Variants in UCK2 observed in about 807,000 individuals in gnomAD.
UCK2 encodes the protein cytidine monophosphokinase 2.
UCK2 carries 6 observed loss-of-function variants against 30.8 expected under a neutral mutation model. The ratio of observed to expected loss-of-function variants is 0.19; its 90% CI spans 0.11 to 0.38. The LOEUF (loss-of-function observed/expected upper bound fraction) is 0.38. Among genes scored for constraint, UCK2 ranks in the 10% least tolerant of loss-of-function variants. The pLI is 1.00. For synonymous variants in UCK2, 125 were observed against 133.6 expected (o/e 0.94, Z 0.45); for missense variants, 210 against 339.8 (o/e 0.62, Z 3.00).
chr1:165,838,455 G>A (rs1468167786), intron 1 of UCK2, among the ~76,000 whole-genome samples: 1 of 152,152 alleles, frequency 6.6e-6, no homozygotes, highest in Non-Finnish European at 1.5e-5. Flanking sequence ...CCTCCTTCAA[G>A]TGTTGCTCAC....
Position 165,827,801 on chromosome 1 carries a change from G to C in UCK2, c.-33G>C, listed in dbSNP as rs773036340. On this transcript the variant is annotated 5_prime_UTR_variant, in exon 1 of 7. Coordinates refer to ENST00000367879, the MANE Select transcript of UCK2 (RefSeq NM_012474.5). ...GCGGGCGGGGAGCGTGCGTCCGTTC[G>C]CACAGGCAGCGGGAGGAGGGGCGGC... The C allele has an allele frequency of 1.5e-6, 2 of 1,371,112 alleles. No individual in the cohort carries two copies. Among genetic ancestry groups the C allele is most frequent in the Admixed American group, 6.0e-5 (2 of 33,260 alleles). 84.9% of individuals were successfully genotyped at this position (1,371,112 alleles called of 1,614,324 possible).
chr1:165,878,749 T>C (rs541922982), intron 1 of UCK2, among the ~76,000 whole-genome samples: 1 of 152,368 alleles, frequency 6.6e-6, no homozygotes, highest in East Asian at 1.9e-4. Flanking sequence ...CTTCCAAGTT[T>C]TGGCAATTAT....
At chr1:165,890,934 A>C (rs2101881683) in intron 2 of UCK2, 7 of 367,372 alleles carry the variant, frequency 1.9e-5, no homozygotes, top group South Asian at 1.7e-4. Flanking sequence ...TGCCAATCCT[A>C]GGATGATAAC....
rs1647786245 is a variant in UCK2, at chr1:165,909,670, A to T, written c.*1847A>T. On this transcript the variant is annotated 3_prime_UTR_variant, in exon 7 of 7. Coordinates refer to ENST00000367879, the MANE Select transcript of UCK2 (RefSeq NM_012474.5). ...CTTGGAGCAAGGGAAGGCTCCCAAG[A>T]TGCCTCCTTTGAAAGCCGGTGCTCA... is the stretch of plus-strand genomic sequence containing the variant. 6.6e-6 allele frequency: 1 copy of T among 152,276 alleles called. No individual in the cohort carries two copies. Among genetic ancestry groups the T allele is most frequent in the African/African-American group, 2.4e-5 (1 of 41,468 alleles). 9.4% of individuals were successfully genotyped at this position (152,276 alleles called of 1,614,324 possible). A position where few individuals can be genotyped will look rare whatever the true frequency, so the allele number is the denominator to read the frequency against.
At position 165,890,192 on chromosome 1, in the gene UCK2, C is replaced by T. The variant is rs1655731070; in HGVS notation, c.100-12C>T. On this transcript the variant is annotated splice_polypyrimidine_tract_variant and intron_variant, in intron 1 of 6. Coordinates refer to ENST00000367879, the MANE Select transcript of UCK2 (RefSeq NM_012474.5). Reference sequence around the variant, plus strand: ...TTCTCTTATTCCTGGGTGCTCTCTTCTCTCCTCACAGTCTTCCGTGTGTGC... The same window carrying T: ...TTCTCTTATTCCTGGGTGCTCTCTTTTCTCCTCACAGTCTTCCGTGTGTGC... 1 of 1,613,702 alleles carries T rather than the reference C, an allele frequency of 6.2e-7. No homozygotes were observed. Among genetic ancestry groups the T allele is most frequent in the Admixed American group, 1.7e-5 (1 of 59,992 alleles).
At chr1:165,849,371 A>C (rs956862247) in intron 1 of UCK2, among the ~76,000 whole-genome samples, 3 of 152,178 alleles carry the variant, frequency 2.0e-5, no homozygotes, top group Admixed American at 2.0e-4. Context: ...TGCTTGGCAC[A>C]ACCGTGGGCT....
intron 1 of UCK2, among the ~76,000 whole-genome samples, chr1:165,876,009 C>T (rs1206052240): frequency 6.6e-6 from 1 of 152,070 alleles, no homozygotes; most frequent in Non-Finnish European, 1.5e-5. Flanking sequence ...GTTTCCTGAC[C>T]CAACATTATC....
intron 1 of UCK2, among the ~76,000 whole-genome samples, chr1:165,888,233 G>A (rs1211698713): frequency 6.6e-6 from 1 of 152,186 alleles, no homozygotes; most frequent in South Asian, 2.1e-4. Context: ...AAACTTCTAA[G>A]ATTTGAGTCA....
intron 1 of UCK2, among the ~76,000 whole-genome samples, chr1:165,836,641 T>C (rs1460092335): frequency 6.6e-6 from 1 of 152,114 alleles, no homozygotes; most frequent in Admixed American, 6.5e-5. Flanking sequence ...TCAGCTCGAG[T>C]ATTTTAGATC....
chr1:165,907,078 A>T (rs1647689259), intron 6 of UCK2, among the ~76,000 whole-genome samples: 1 of 152,172 alleles, frequency 6.6e-6, no homozygotes. Flanking sequence ...TCATGAGCTT[A>T]TACAGTCTGA....
chr1:165,853,582 T>G (rs1177623104), intron 1 of UCK2, among the ~76,000 whole-genome samples: 1 of 152,074 alleles, frequency 6.6e-6, no homozygotes, highest in Non-Finnish European at 1.5e-5. Flanking sequence ...CAGAGTTAAG[T>G]TCTTCTTCAC....
chr1:165,874,400 G>A (rs1327873865), intron 1 of UCK2, among the ~76,000 whole-genome samples: 2 of 152,178 alleles, frequency 1.3e-5, no homozygotes, highest in African/African-American at 4.8e-5. Flanking sequence ...GTACAGAGCC[G>A]TCCAGTGGCA....
chr1:165,887,671 G>A (rs1206164539), intron 1 of UCK2, among the ~76,000 whole-genome samples: 7 of 152,170 alleles, frequency 4.6e-5, no homozygotes, highest in East Asian at 3.9e-4. Context: ...ACCTTAGGAC[G>A]TAAGAAACGT....
At chr1:165,907,385 C>T (rs556565093) in intron 6 of UCK2, among the ~76,000 whole-genome samples, 25 of 152,110 alleles carry the variant, frequency 1.6e-4, no homozygotes, top group African/African-American at 3.4e-4. Context: ...GACTTTGGCC[C>T]GAGTGCTTCA....
At chr1:165,851,795 A>G (rs1354623445) in intron 1 of UCK2, among the ~76,000 whole-genome samples, 3 of 151,920 alleles carry the variant, frequency 2.0e-5, no homozygotes, top group Admixed American at 1.3e-4. Context: ...CTCTGTGTCC[A>G]TGGGTTCTCG....
chr1:165,894,389 A>T (rs1022469337), intron 3 of UCK2: 1 of 152,082 alleles, frequency 6.6e-6, no homozygotes, highest in African/African-American at 2.4e-5. Context: ...TGTTTTCTGA[A>T]CTTCTCTAGG....
chr1:165,899,886 C>T (rs1472520161), intron 4 of UCK2, among the ~76,000 whole-genome samples: 2 of 152,110 alleles, frequency 1.3e-5, no homozygotes, highest in African/African-American at 2.4e-5. Flanking sequence ...ATAGTTCTAT[C>T]GGAGGTTCTT....
chr1:165,829,055 C>T (rs1175552432), intron 1 of UCK2, among the ~76,000 whole-genome samples: 1 of 152,122 alleles, frequency 6.6e-6, no homozygotes, highest in Non-Finnish European at 1.5e-5. Context: ...ACCGACTCGT[C>T]AGTAGCCCCT....
chr1:165,834,152 C>G (rs1389385696), intron 1 of UCK2, among the ~76,000 whole-genome samples: 1 of 152,090 alleles, frequency 6.6e-6, no homozygotes, highest in Admixed American at 6.6e-5. Flanking sequence ...TCATTCAAGA[C>G]TGAAGGTTTT....
Sources: gnomAD v4.1 joint callset for allele counts (sites outside exome capture counted in the v4.1 genomes callset) on GRCh38, gnomAD v4.1.1 for gene constraint, MANE v1.5 for transcripts, NCBI Gene and HGNC (gene_info 2026-07-23, HGNC 2026-07-21) for gene names.